Variants in PSMD12 observed in about 807,000 individuals in gnomAD.
PSMD12 encodes the protein 26S proteasome non-ATPase regulatory subunit 12.
In PSMD12, 8 loss-of-function variants were observed where a neutral mutation model predicts 62.9. The ratio of observed to expected loss-of-function variants is 0.13; its 90% CI spans 0.07 to 0.23. PSMD12 has a LOEUF of 0.23. Ranked by LOEUF, PSMD12 falls within the 10% of genes least tolerant of loss-of-function variation. The pLI is 1.00. For missense variants in PSMD12, 424 were observed against 550.2 expected, an observed-to-expected ratio of 0.77 and a Z score of 2.29; for synonymous variants, 173 against 187.4, an observed-to-expected ratio of 0.92 and a Z score of 0.63.
intron 1 of PSMD12, among the ~76,000 whole-genome samples, chr17:67,358,580 A>AAAAAG (rs1567960130): frequency 6.6e-6 from 1 of 150,662 alleles, no homozygotes; most frequent in Non-Finnish European, 1.5e-5. Context: ...AAAAAAAAAA[A>AAAAAG]AAAAAAGAAA....
chr17:67,356,428 G>A (rs2042072630), intron 3 of PSMD12, among the ~76,000 whole-genome samples: 1 of 149,502 alleles, frequency 6.7e-6, no homozygotes, highest in South Asian at 2.1e-4. Flanking sequence ...CGTGGTAGCG[G>A]GCGCCTGTAG....
intron 1 of PSMD12, chr17:67,361,289 AAAGTCAC>A (rs1320630988): frequency 6.6e-6 from 1 of 152,230 alleles, no homozygotes; most frequent in African/African-American, 2.4e-5. Context: ...AGGCTAATAA[AAAGTCAC>A]CACAGCCAGG....
chr17:67,366,284 G>C (rs2042178199), intron 1 of PSMD12, 128 bp downstream of exon 1: 1 of 894,144 alleles, frequency 1.1e-6, no homozygotes, highest in East Asian at 2.7e-5. Flanking sequence ...ACTCGTGCAG[G>C]CCCAACTAGG....
At chr17:67,354,027 A>G (rs904397954) in intron 3 of PSMD12, among the ~76,000 whole-genome samples, 3 of 152,264 alleles carry the variant, frequency 2.0e-5, no homozygotes, top group Non-Finnish European at 4.4e-5. Flanking sequence ...TTACTAACCA[A>G]TAGGGTGCCA....
intron 1 of PSMD12, among the ~76,000 whole-genome samples, chr17:67,365,218 T>A (rs2042168213): frequency 6.7e-6 from 1 of 150,060 alleles, no homozygotes; most frequent in Non-Finnish European, 1.5e-5. Context: ...AGGTTTTCAC[T>A]ACAATAGGCT....
chr17:67,355,397 T>C (rs2042059196), intron 3 of PSMD12: 1 of 152,162 alleles, frequency 6.6e-6, no homozygotes, highest in African/African-American at 2.4e-5. Flanking sequence ...GAGCCAACAC[T>C]GTCTTTTATA....
chr17:67,353,228 A>G (rs1039186972), intron 3 of PSMD12, among the ~76,000 whole-genome samples: 1 of 152,198 alleles, frequency 6.6e-6, no homozygotes, highest in African/African-American at 2.4e-5. Context: ...GGCTCGAGTG[A>G]CAGACAATGA....
intron 1 of PSMD12, among the ~76,000 whole-genome samples, chr17:67,362,220 A>G (rs534564454): frequency 3.0e-4 from 45 of 152,344 alleles, no homozygotes; most frequent in Middle Eastern, 3.4e-3. Flanking sequence ...GCTAAATACC[A>G]TATCTTTACA....
At position 67,347,376 on chromosome 17, in the gene PSMD12, T is replaced by C. The variant is rs2041977716; in HGVS notation, c.620A>G (p.Lys207Arg). ...CTGGAAAAATTTGGTGTTAATTTTCTTGCTGATGATTTGTGTTCGAATGTA... is the reference window on the plus strand; with the variant it reads ...CTGGAAAAATTTGGTGTTAATTTTCCTGCTGATGATTTGTGTTCGAATGTA... ...KDYIRTQIIS[K>R]KINTKFFQEE... The change falls in exon 6 of 11, where the codon AAG becomes AGG. Residue 207 changes from lysine (K) to arginine (R), a missense_variant. Transcript: ENST00000356126. 1.2e-6 allele frequency: 2 copies of C among 1,614,028 alleles called. No homozygotes were observed. Among genetic ancestry groups the C allele is most frequent in the East Asian group, 4.5e-5 (2 of 44,850 alleles).
rs1003792952 is a variant in PSMD12, at chr17:67,347,352, T to C, written c.644A>G (p.Gln215Arg). The C allele has an allele frequency of 2.5e-6, 4 of 1,613,784 alleles. No individual in the cohort carries two copies. The highest frequency in any genetic ancestry group is 1.3e-5 in the African/African-American group (1 of 74,930). The change falls in exon 6 of 11, where the codon CAG becomes CGG. Residue 215 changes from glutamine to arginine, a missense_variant. Transcript: ENST00000356126. ...TATGCTCACCTCTGTATTTTCTTCCTGGAAAAATTTGGTGTTAATTTTCTT... is the reference window on the plus strand; with the variant it reads ...TATGCTCACCTCTGTATTTTCTTCCCGGAAAAATTTGGTGTTAATTTTCTT... ...ISKKINTKFF[Q>R]EENTEKLKLK... is the part of the protein sequence containing the mutation.
intron 3 of PSMD12, among the ~76,000 whole-genome samples, chr17:67,356,480 C>G (rs1185093139): frequency 1.5e-5 from 2 of 134,208 alleles, no homozygotes; most frequent in African/African-American, 5.4e-5. Context: ...ATGGCGTGAA[C>G]CCGGGAGGCG....
intron 10 of PSMD12, 33 bp from the exon 11 acceptor site, chr17:67,341,085 A>G (rs2041910799): frequency 1.4e-6 from 2 of 1,463,578 alleles, no homozygotes; most frequent in African/African-American, 1.5e-5. Context: ...GGATTAAGAC[A>G]GGATAAATTA....
At chr17:67,356,828 T>G (rs534251285) in intron 3 of PSMD12, among the ~76,000 whole-genome samples, 2 of 151,498 alleles carry the variant, frequency 1.3e-5, no homozygotes, top group Non-Finnish European at 2.9e-5. Flanking sequence ...CTGGGTAATA[T>G]AGTGAGACCT....
At chr17:67,345,651 A>C (rs2041957909) in intron 8 of PSMD12, 94 bp downstream of exon 8, 2 of 980,990 alleles carry the variant, frequency 2.0e-6, no homozygotes, top group South Asian at 1.5e-5. Context: ...TCAAAAAAAG[A>C]AGTATACACA....
chr17:67,352,696 T>C (rs1055400857), intron 3 of PSMD12, among the ~76,000 whole-genome samples: 21 of 152,238 alleles, frequency 1.4e-4, no homozygotes, highest in African/African-American at 4.6e-4. Flanking sequence ...GAAAACTCCA[T>C]GTATAAACAA....
intron 4 of PSMD12, among the ~76,000 whole-genome samples, chr17:67,348,862 G>A (rs573239552): frequency 2.4e-4 from 36 of 152,118 alleles, no homozygotes; most frequent in African/African-American, 8.2e-4. Context: ...TGAGTGTGGT[G>A]GCATGCACCT....
At position 67,346,283 on chromosome 17, in the gene PSMD12, T is replaced by C. The variant is rs148080608; in HGVS notation, c.796-426A>G. Among the ~76,000 whole-genome samples, 831 of 151,934 alleles carry C rather than the reference T, an allele frequency of 5.5e-3. 5 individuals are homozygous for C. Among genetic ancestry groups the C allele is most frequent in the African/African-American group, 0.019 (794 of 41,420 alleles). On this transcript the variant is annotated intron_variant, in intron 7 of 10. Coordinates refer to ENST00000356126, the MANE Select transcript of PSMD12 (RefSeq NM_002816.5). ...GGGGGCGGGTGCCTGTAGTCCCAGATACTCGGGAGGCTGAGGCAGGAGAAT... is the reference window on the plus strand; with the variant it reads ...GGGGGCGGGTGCCTGTAGTCCCAGACACTCGGGAGGCTGAGGCAGGAGAAT...
At chr17:67,353,032 G>A (rs888128433) in intron 3 of PSMD12, among the ~76,000 whole-genome samples, 3 of 152,130 alleles carry the variant, frequency 2.0e-5, no homozygotes, top group African/African-American at 7.2e-5. Context: ...TACTATCTGT[G>A]GTTTCTGGTC....
chr17:67,350,027 C>T (rs1396721846), intron 4 of PSMD12, among the ~76,000 whole-genome samples: 1 of 152,014 alleles, frequency 6.6e-6, no homozygotes, highest in African/African-American at 2.4e-5. Context: ...TCTAGATATA[C>T]CATGGCTGTC....
Sources: gnomAD v4.1 joint callset for allele counts (sites outside exome capture counted in the v4.1 genomes callset) on GRCh38, gnomAD v4.1.1 for gene constraint, MANE v1.5 for transcripts, NCBI Gene and HGNC (gene_info 2026-07-23, HGNC 2026-07-21) for gene names.